SLC1A1: variants seen among roughly 807,000 people sequenced by gnomAD.
SLC1A1 encodes the protein solute carrier family 1 member 1, also known as excitatory amino acid transporter 3.
In SLC1A1, 43 loss-of-function variants were observed where a neutral mutation model predicts 53.3. That is an observed-to-expected ratio of 0.81 (90% CI 0.63 to 1.04). SLC1A1 has a LOEUF of 1.04. Among genes scored for constraint, SLC1A1 ranks in the 50% least tolerant of loss-of-function variants. The pLI is 0.00. For missense variants in SLC1A1, 748 were observed against 664.9 expected, an observed-to-expected ratio of 1.12 and a Z score of -1.37; for synonymous variants, 307 against 243.2, an observed-to-expected ratio of 1.26 and a Z score of -2.44.
chr9:4,536,846 T>C (rs1409113417), intron 1 of SLC1A1, among the ~76,000 whole-genome samples: 7 of 152,098 alleles, frequency 4.6e-5, no homozygotes, highest in African/African-American at 1.7e-4. Context: ...ATATACACCA[T>C]GGAATACTAT....
At chr9:4,500,885 A>C (rs575184324) in intron 1 of SLC1A1, among the ~76,000 whole-genome samples, 54 of 152,242 alleles carry the variant, frequency 3.5e-4, no homozygotes, top group African/African-American at 1.3e-3. Context: ...ATCCCAGCTC[A>C]CAGATGCTTC....
rs34559140 is a variant in SLC1A1, at chr9:4,518,234, CAAAAAAAAAAAAAAA to C, written c.92-26322_92-26308del. ...TAGGTGAAAGAGCGATATTCCACCT[CAAAAAAAAAAAAAAA>C]AAAAAAAAAAGAATGAAGTCCTTAC... is the stretch of plus-strand genomic sequence containing the variant. On this transcript the variant is annotated intron_variant, in intron 1 of 11. Transcript: ENST00000262352. Among the ~76,000 whole-genome samples, 7 of 60,448 alleles carry C rather than the reference CAAAAAAAAAAAAAAA, an allele frequency of 1.2e-4. 1 individual carries two copies. The highest frequency in any genetic ancestry group is 5.0e-4 in the African/African-American group (7 of 13,882). 39.7% of individuals were successfully genotyped at this position (60,448 alleles called of 152,430 possible). A position where few individuals can be genotyped will look rare whatever the true frequency, so the allele number is the denominator to read the frequency against.
At chr9:4,555,390 G>C (rs951880097) in intron 2 of SLC1A1, among the ~76,000 whole-genome samples, 1 of 152,222 alleles carries the variant, frequency 6.6e-6, no homozygotes, top group African/African-American at 2.4e-5. Context: ...TGCTTAATCA[G>C]AGAGCTCTAG....
chr9:4,518,836 A>C (rs964445636), intron 1 of SLC1A1, among the ~76,000 whole-genome samples: 4 of 152,222 alleles, frequency 2.6e-5, no homozygotes, highest in African/African-American at 9.6e-5. Flanking sequence ...TTTGTGATTT[A>C]TTGCATTTAA....
At chr9:4,512,188 T>G (rs1821020455) in intron 1 of SLC1A1, among the ~76,000 whole-genome samples, 1 of 152,180 alleles carries the variant, frequency 6.6e-6, no homozygotes. Context: ...AGCAGGGATT[T>G]TTGTAGATAT....
chr9:4,532,249 T>C (rs1270753043), intron 1 of SLC1A1, among the ~76,000 whole-genome samples: 1 of 152,064 alleles, frequency 6.6e-6, no homozygotes, highest in Admixed American at 6.5e-5. Context: ...AGGCTTCAGA[T>C]GATCAAACTA....
At chr9:4,509,554 G>A (rs530426578) in intron 1 of SLC1A1, among the ~76,000 whole-genome samples, 3 of 148,916 alleles carry the variant, frequency 2.0e-5, no homozygotes, top group Admixed American at 6.6e-5. Context: ...GGGAGGGCGG[G>A]AGAAAATAAA....
intron 1 of SLC1A1, among the ~76,000 whole-genome samples, chr9:4,540,759 C>T (rs559049197): frequency 9.2e-5 from 14 of 152,310 alleles, no homozygotes; most frequent in South Asian, 2.1e-4. Flanking sequence ...CCACCTGCAA[C>T]GGTGTCAGGG....
chr9:4,570,194 G>A (rs958777000), intron 6 of SLC1A1, among the ~76,000 whole-genome samples: 4 of 152,082 alleles, frequency 2.6e-5, no homozygotes, highest in Non-Finnish European at 2.9e-5. Context: ...TAGTTTGGGC[G>A]CACAATTAAT....
chr9:4,577,186 C>A (rs139264191), intron 10 of SLC1A1, among the ~76,000 whole-genome samples: 1 of 152,254 alleles, frequency 6.6e-6, no homozygotes, highest in Admixed American at 6.5e-5. Context: ...GGAAGGTGAA[C>A]GATGGCTTCC....
intron 1 of SLC1A1, 34 bp downstream of exon 1, chr9:4,490,804 CCTCACGCGCTCTCTGCG>C: frequency 6.4e-7 from 1 of 1,561,782 alleles, no homozygotes; most frequent in Non-Finnish European, 8.8e-7. Context: ...ATGCGCGCAC[CCTCACGCGCTCTCTGCG>C]CCCAGGCCGC....
chr9:4,498,988 T>TTATATATAAGATTATATATTATA (rs1290376421), intron 1 of SLC1A1, among the ~76,000 whole-genome samples: 2 of 136,308 alleles, frequency 1.5e-5, no homozygotes, highest in African/African-American at 3.2e-5. Context: ...ATCTTATATA[T>TTATATATAAGATTATATATTATA]TATATATAAG....
chr9:4,526,050 C>CG (rs1267094882), intron 1 of SLC1A1, among the ~76,000 whole-genome samples: 3 of 151,930 alleles, frequency 2.0e-5, no homozygotes, highest in African/African-American at 7.3e-5. Context: ...TTTGGGAGGC[C>CG]GAAGCAGGAG....
intron 2 of SLC1A1, among the ~76,000 whole-genome samples, chr9:4,546,590 C>T (rs1415506025): frequency 6.6e-6 from 1 of 152,214 alleles, no homozygotes; most frequent in South Asian, 2.1e-4. Context: ...CCACTTCACT[C>T]TTACGTTACC....
chr9:4,572,977 T>G (rs1353579069), intron 7 of SLC1A1, among the ~76,000 whole-genome samples: 1 of 152,260 alleles, frequency 6.6e-6, no homozygotes, highest in Non-Finnish European at 1.5e-5. Flanking sequence ...AGCCTTCGTG[T>G]AAGAAGTAAT....
chr9:4,506,899 C>G (rs1820827159), intron 1 of SLC1A1, among the ~76,000 whole-genome samples: 1 of 152,214 alleles, frequency 6.6e-6, no homozygotes, highest in East Asian at 1.9e-4. Flanking sequence ...GAGGGCAGTA[C>G]TAAGGGGGCT....
intron 1 of SLC1A1, among the ~76,000 whole-genome samples, chr9:4,508,672 C>T (rs902727140): frequency 6.6e-6 from 1 of 152,210 alleles, no homozygotes; most frequent in Non-Finnish European, 1.5e-5. Flanking sequence ...CATCCACATT[C>T]CTGTGGCCCA....
At chr9:4,537,864 T>G (rs1340558258) in intron 1 of SLC1A1, among the ~76,000 whole-genome samples, 1 of 152,104 alleles carries the variant, frequency 6.6e-6, no homozygotes, top group Admixed American at 6.6e-5. Flanking sequence ...TGTACAACAT[T>G]GTATGTTAAA....
chr9:4,544,577 A>C lies in SLC1A1; in HGVS notation c.102A>C (p.Thr34=), dbSNP rs1199107180. ...TVAAVVLGIT[T]GVLVREHSNL... is the part of the protein sequence containing the mutation. Reference sequence around the variant, plus strand: ...TCTTGTTTTCCTTAGGCATTACCACAGGAGTCTTGGTTCGAGAACACAGCA... The same window carrying C: ...TCTTGTTTTCCTTAGGCATTACCACCGGAGTCTTGGTTCGAGAACACAGCA... The change falls in exon 2 of 12, where the codon ACA becomes ACC. Residue 34 remains threonine (T), a synonymous_variant. Transcript: ENST00000262352. 6.2e-7 allele frequency: 1 copy of C among 1,613,774 alleles called. No homozygotes were observed. Among genetic ancestry groups the C allele is most frequent in the South Asian group, 1.1e-5 (1 of 91,066 alleles).
Sources: gnomAD v4.1 joint callset for allele counts (sites outside exome capture counted in the v4.1 genomes callset) on GRCh38, gnomAD v4.1.1 for gene constraint, MANE v1.5 for transcripts, NCBI Gene and HGNC (gene_info 2026-07-23, HGNC 2026-07-21) for gene names.